Variants in CTNNA3 observed in about 807,000 individuals in gnomAD.
CTNNA3 encodes catenin alpha-3.
CTNNA3 carries 76 observed loss-of-function variants against 95.7 expected under a neutral mutation model. The observed-to-expected ratio is 0.79, with a 90% CI of 0.66 to 0.96. The LOEUF (loss-of-function observed/expected upper bound fraction) is 0.96, where lower values mean the gene tolerates loss of function less well. Among genes scored for constraint, CTNNA3 ranks in the 40% least tolerant of loss-of-function variants. CTNNA3 has a pLI of 0.00. For missense variants in CTNNA3, 1,191 were observed against 1,089.8 expected, an observed-to-expected ratio of 1.09 and a Z score of -1.31; for synonymous variants, 431 against 374.4, an observed-to-expected ratio of 1.15 and a Z score of -1.74.
At chr10:66,021,700 G>A (rs12783293) in intron 15 of CTNNA3, among the ~76,000 whole-genome samples, 11,598 of 152,062 alleles carry the variant, frequency 0.076, 561 homozygotes, top group Non-Finnish European at 0.12. Context: ...AATATTCCAT[G>A]TTGGGCAAAC....
intron 7 of CTNNA3, among the ~76,000 whole-genome samples, chr10:66,852,261 G>A (rs1470090478): frequency 6.6e-6 from 1 of 151,990 alleles, no homozygotes; most frequent in Non-Finnish European, 1.5e-5. Flanking sequence ...TGGCTGACAT[G>A]GATATCAACT....
rs2085630652 is a variant in CTNNA3 at position 66,174,969 on chromosome 10, C to CCTAGAA, written c.1885-71721_1885-71720insTTCTAG. Among the ~76,000 whole-genome samples, 3 of 151,912 alleles carry CCTAGAA rather than the reference C, an allele frequency of 2.0e-5. No individual in the cohort carries two copies. In the South Asian group the frequency reaches 6.2e-4, roughly 32 times the overall value. On this transcript the variant is annotated intron_variant, in intron 13 of 17. Transcript: ENST00000433211. ...CAGTAGTAATGCTTGGCCTAGAACA[C>CCTAGAA]CATGTCAGATAAAATATATGTAAAT... is the stretch of plus-strand genomic sequence containing the variant.
At chr10:67,549,394 G>A (rs1840949927) in intron 3 of CTNNA3, among the ~76,000 whole-genome samples, 1 of 152,112 alleles carries the variant, frequency 6.6e-6, no homozygotes, top group Non-Finnish European at 1.5e-5. Flanking sequence ...CATCTCTCTC[G>A]GAAATCCCTG....
At chr10:66,011,390 A>G (rs749321097) in intron 15 of CTNNA3, among the ~76,000 whole-genome samples, 1 of 152,042 alleles carries the variant, frequency 6.6e-6, no homozygotes, top group Non-Finnish European at 1.5e-5. Context: ...AGTTAAAACC[A>G]GAGACACTTG....
chr10:66,562,192 T>C (rs990397593), intron 10 of CTNNA3, among the ~76,000 whole-genome samples: 2 of 152,122 alleles, frequency 1.3e-5, no homozygotes, highest in African/African-American at 4.8e-5. Flanking sequence ...TTTACTGAAA[T>C]CTCATTGTTC....
intron 17 of CTNNA3, among the ~76,000 whole-genome samples, chr10:65,954,509 T>A (rs539159859): frequency 6.6e-6 from 1 of 152,340 alleles, no homozygotes; most frequent in African/African-American, 2.4e-5. Flanking sequence ...CTAGAGTTTT[T>A]ACGGTTTTAG....
rs188878212 is a variant in CTNNA3, at chr10:67,627,293, A to G, written c.99+20122T>C. ...GGCCCTATATTAGGTGTGCAAATCC[A>G]GGATTCAGACAGGTCCTACCCTTCG... On this transcript the variant is annotated intron_variant, in intron 2 of 17. Coordinates refer to ENST00000433211, the MANE Select transcript of CTNNA3 (RefSeq NM_013266.4). 3.0e-3 allele frequency among the ~76,000 whole-genome samples: 457 copies of G among 152,270 alleles called. 1 individual carries two copies. Among genetic ancestry groups the G allele is most frequent in the African/African-American group, 0.01 (419 of 41,558 alleles).
intron 5 of CTNNA3, among the ~76,000 whole-genome samples, chr10:67,452,685 A>G (rs560199253): frequency 6.6e-6 from 1 of 152,190 alleles, no homozygotes; most frequent in Non-Finnish European, 1.5e-5. Context: ...GAAAATTCAG[A>G]TATGTCCAGG....
chr10:66,770,974 G>T (rs981241981), intron 8 of CTNNA3, among the ~76,000 whole-genome samples: 4 of 152,070 alleles, frequency 2.6e-5, no homozygotes, highest in Non-Finnish European at 4.4e-5. Context: ...CACTGTGTAT[G>T]TACTATGTAA....
chr10:66,295,085 C>T (rs2091755025), intron 12 of CTNNA3, among the ~76,000 whole-genome samples: 1 of 152,112 alleles, frequency 6.6e-6, no homozygotes, highest in South Asian at 2.1e-4. Flanking sequence ...GGGGATTCAT[C>T]CTTTTGGTGA....
intron 5 of CTNNA3, among the ~76,000 whole-genome samples, chr10:67,268,549 C>A (rs975609885): frequency 6.6e-6 from 1 of 151,822 alleles, no homozygotes; most frequent in Admixed American, 6.6e-5. Flanking sequence ...GGTCCCTCTA[C>A]GGCCTTTTTT....
At chr10:67,701,569 A>G (rs1841039695) in intron 1 of CTNNA3, among the ~76,000 whole-genome samples, 1 of 152,204 alleles carries the variant, frequency 6.6e-6, no homozygotes, top group Non-Finnish European at 1.5e-5. Flanking sequence ...ACAGACAAGC[A>G]AATGCTGAGA....
At chr10:67,343,303 G>A (rs1842285242) in intron 5 of CTNNA3, among the ~76,000 whole-genome samples, 1 of 152,050 alleles carries the variant, frequency 6.6e-6, no homozygotes, top group Non-Finnish European at 1.5e-5. Context: ...TGTCATTGGT[G>A]TTTTAATAGG....
chr10:66,172,657 C>A (rs901959711), intron 13 of CTNNA3, among the ~76,000 whole-genome samples: 1 of 151,776 alleles, frequency 6.6e-6, no homozygotes, highest in Non-Finnish European at 1.5e-5. Flanking sequence ...GAAAGAAATA[C>A]CTGTTTTATC....
At chr10:67,285,359 G>C (rs1192238877) in intron 5 of CTNNA3, among the ~76,000 whole-genome samples, 1 of 152,120 alleles carries the variant, frequency 6.6e-6, no homozygotes, top group Non-Finnish European at 1.5e-5. Context: ...TAGACGGCTA[G>C]AGAACTGCCC....
intron 5 of CTNNA3, among the ~76,000 whole-genome samples, chr10:67,494,832 A>T (rs1838975039): frequency 6.6e-6 from 1 of 152,214 alleles, no homozygotes; most frequent in East Asian, 1.9e-4. Context: ...CTGTTGTCAA[A>T]CTTCAAAGAT....
chr10:67,173,001 G>A (rs141143426), intron 7 of CTNNA3, among the ~76,000 whole-genome samples: 16 of 151,376 alleles, frequency 1.1e-4, no homozygotes, highest in South Asian at 1.0e-3. Flanking sequence ...AATGTATCCC[G>A]GTTTGGATAA....
intron 15 of CTNNA3, among the ~76,000 whole-genome samples, chr10:65,997,061 T>G (rs2078679135): frequency 2.6e-5 from 4 of 152,280 alleles, no homozygotes; most frequent in African/African-American, 9.6e-5. Context: ...CACAGTTGAT[T>G]CAAACATGGA....
At chr10:66,989,892 C>T (rs748390613) in intron 7 of CTNNA3, among the ~76,000 whole-genome samples, 1 of 152,090 alleles carries the variant, frequency 6.6e-6, no homozygotes, top group Non-Finnish European at 1.5e-5. Flanking sequence ...GGCAATAGGA[C>T]TTACCACAGT....
Sources: gnomAD v4.1 joint callset for allele counts (sites outside exome capture counted in the v4.1 genomes callset) on GRCh38, gnomAD v4.1.1 for gene constraint, MANE v1.5 for transcripts, NCBI Gene and HGNC (gene_info 2026-07-23, HGNC 2026-07-21) for gene names.